Variants in COL18A1 observed in about 807,000 individuals in gnomAD.
COL18A1 encodes the protein collagen alpha-1(XVIII) chain.
Under a neutral mutation model 168.0 loss-of-function variants are expected in COL18A1, and 133 were observed. That is an observed-to-expected ratio of 0.79 (90% CI 0.69 to 0.91). COL18A1 has a LOEUF of 0.91. COL18A1 is among the 40% of genes least tolerant of loss of function. The pLI, the probability that COL18A1 is intolerant of heterozygous loss-of-function variation, is 0.00. For synonymous variants in COL18A1, 949 were observed against 809.0 expected (o/e 1.17, Z -2.94); for missense variants, 2,126 against 1,925.4 (o/e 1.10, Z -1.95).
At chr21:45,467,625 G>A (rs542264433) in intron 2 of COL18A1, among the ~76,000 whole-genome samples, 2 of 152,336 alleles carry the variant, frequency 1.3e-5, no homozygotes, top group South Asian at 2.1e-4. Flanking sequence ...CACTCTGGGC[G>A]ACGCCCCGTA....
intron 40 of COL18A1, among the ~76,000 whole-genome samples, chr21:45,510,580 T>C (rs2037522210): frequency 6.6e-6 from 1 of 152,102 alleles, no homozygotes; most frequent in African/African-American, 2.4e-5. Flanking sequence ...ACACAGGTGA[T>C]AGGGCTCACA....
intron 2 of COL18A1, among the ~76,000 whole-genome samples, chr21:45,414,977 G>A (rs995001308): frequency 6.6e-6 from 1 of 152,000 alleles, no homozygotes; most frequent in African/African-American, 2.4e-5. Flanking sequence ...CGCTGGGGAG[G>A]GCATGAGAAG....
At chr21:45,488,991 G>A (rs890068646) in intron 18 of COL18A1, among the ~76,000 whole-genome samples, 16 of 151,576 alleles carry the variant, frequency 1.1e-4, no homozygotes, top group Admixed American at 3.3e-4. Context: ...GGCAGCAGCC[G>A]CCTTTCACCC....
Position 45,430,083 on chromosome 21 carries a change from G to T in COL18A1, c.106+24610G>T, listed in dbSNP as rs184588547. ...ATGTGAAGTGGGGTCATGGTTTGGG[G>T]GCCCCCATCTCCCTAGCGCCCTCTC... On this transcript the variant is annotated intron_variant, in intron 2 of 41. Coordinates refer to ENST00000651438, the MANE Select transcript of COL18A1 (RefSeq NM_001379500.1). Among the ~76,000 whole-genome samples the T allele has an allele frequency of 1.5e-3, 228 of 151,234 alleles. 1 individual carries two copies. The highest frequency in any genetic ancestry group is 5.3e-3 in the African/African-American group (217 of 41,014).
chr21:45,512,135 T>C, intron 41 of COL18A1, 53 bp from the exon 42 acceptor site: 3 of 1,568,662 alleles, frequency 1.9e-6, no homozygotes, highest in Non-Finnish European at 2.6e-6. Flanking sequence ...GAGCGGCCTC[T>C]GCCCTAAGCA....
chr21:45,417,675 G>A (rs2838912), intron 2 of COL18A1, among the ~76,000 whole-genome samples: 91,842 of 151,926 alleles, frequency 0.6, 28,092 homozygotes, highest in Middle Eastern at 0.69. Context: ...TAATAACAAC[G>A]GACTGTGGGG....
rs1568958229 is a variant in COL18A1, at chr21:45,512,540, CAAGA to C, written c.*145_*148del. The C allele has an allele frequency of 1.3e-6, 1 of 757,070 alleles. No individual in the cohort carries two copies. The highest frequency in any genetic ancestry group is 2.2e-6 in the Non-Finnish European group (1 of 463,012). The allele number at this position is 757,070 out of a possible 1,614,324, so 46.9% of individuals were successfully genotyped here. ...TATAGTTCACGTTTCATGTAATCCT[CAAGA>C]AATAAAAGGAAGCCAAAGAGTGTAT... is the stretch of plus-strand genomic sequence containing the variant. On this transcript the variant is annotated 3_prime_UTR_variant, in exon 42 of 42. Coordinates refer to ENST00000651438, the MANE Select transcript of COL18A1 (RefSeq NM_001379500.1).
In COL18A1 at chr21:45,511,165, C is replaced by A; in HGVS notation, c.3748C>A (p.Leu1250Met). Residue 1250 changes from leucine to methionine, a missense_variant, in exon 41 of 42, where the codon CTG (leucine) becomes ATG (methionine). By Grantham distance (15) the Leu-to-Met change is conservative (BLOSUM62 2). Transcript: ENST00000651438. ...EALFSGSEGP[L>M]KPGARIFSFD... is the part of the protein sequence containing the mutation. The stretch of plus-strand genomic sequence containing the variant: ...TCTGTTCTCAGGCTCTGAGGGTCCG[C>A]TGAAGCCCGGGGCACGCATCTTCTC... The A allele has an allele frequency of 6.2e-7, 1 of 1,602,118 alleles. No individual in the cohort carries two copies.
intron 2 of COL18A1, among the ~76,000 whole-genome samples, chr21:45,442,451 G>A (rs896758518): frequency 2.6e-5 from 4 of 152,214 alleles, no homozygotes; most frequent in African/African-American, 9.6e-5. Context: ...ACCTCTGTCA[G>A]CTGGGCAGGC....
intron 23 of COL18A1, 29 bp downstream of exon 23, chr21:45,492,593 G>A (rs748266345): frequency 7.4e-6 from 12 of 1,612,714 alleles, no homozygotes; most frequent in Admixed American, 3.3e-5. Context: ...TCTAAGAGAC[G>A]GGCCTGCGGG....
At chr21:45,467,112 G>A in intron 2 of COL18A1, 1 of 536,452 alleles carries the variant, frequency 1.9e-6, no homozygotes, top group Non-Finnish European at 2.4e-6. Context: ...GACTGTGGCT[G>A]CAAAGCCCGG....
chr21:45,452,350 CTG>C (rs1201124872), intron 2 of COL18A1, among the ~76,000 whole-genome samples: 7 of 148,894 alleles, frequency 4.7e-5, no homozygotes, highest in Non-Finnish European at 8.9e-5. Context: ...CATATGCACT[CTG>C]TGACATGTGT....
chr21:45,472,316 C>T (rs1051494263), intron 3 of COL18A1, among the ~76,000 whole-genome samples: 8 of 152,156 alleles, frequency 5.3e-5, no homozygotes, highest in South Asian at 2.1e-4. Context: ...CTCTGCCTCC[C>T]GGGTTCACGC....
chr21:45,487,793 C>A (rs1347566012), intron 17 of COL18A1, among the ~76,000 whole-genome samples: 1 of 152,218 alleles, frequency 6.6e-6, no homozygotes, highest in African/African-American at 2.4e-5. Flanking sequence ...CCCTGAAAGG[C>A]CTTTCTGGGG....
intron 17 of COL18A1, among the ~76,000 whole-genome samples, 158 bp from the exon 18 acceptor site, chr21:45,488,260 A>G (rs1302428428): frequency 1.3e-5 from 2 of 152,270 alleles, no homozygotes; most frequent in African/African-American, 4.8e-5. Flanking sequence ...TTGATTCCAT[A>G]GTAAGTTAGA....
chr21:45,422,500 G>A (rs753763624), intron 2 of COL18A1: 3 of 526,266 alleles, frequency 5.7e-6, no homozygotes, highest in South Asian at 2.9e-5. Context: ...CGGGGCCTTT[G>A]CGTGGCTGCC....
chr21:45,422,097 TCACA>T (rs917732426), intron 2 of COL18A1, among the ~76,000 whole-genome samples: 11 of 152,000 alleles, frequency 7.2e-5, no homozygotes, highest in African/African-American at 2.2e-4. Flanking sequence ...ACACAAGCTC[TCACA>T]CACACACGTT....
rs775168204 is a variant in COL18A1 at position 45,491,268 on chromosome 21, G to GC, written c.2118dup (p.Gly707ArgfsTer23). The GC allele has an allele frequency of 2.1e-5, 34 of 1,611,426 alleles. No homozygotes were observed. The highest frequency in any genetic ancestry group is 2.5e-5 in the Non-Finnish European group (30 of 1,179,148). On this transcript the variant is annotated frameshift_variant, in exon 22 of 42. Coordinates refer to ENST00000651438, the MANE Select transcript of COL18A1 (RefSeq NM_001379500.1). LOFTEE classifies it high-confidence loss of function. ...GGAGTCGGGCAGCCGGGCCTCCCTG[G>GC]CCCCCCCGGACCCCCGGGACCTGTG...
intron 17 of COL18A1, 57 bp downstream of exon 17, chr21:45,487,566 G>C (rs747369451): frequency 6.3e-7 from 1 of 1,597,940 alleles, no homozygotes; most frequent in Non-Finnish European, 8.5e-7. Flanking sequence ...GTTGCCTGGG[G>C]CAGGAGAGTG....
Sources: allele counts gnomAD v4.1 joint callset (sites outside exome capture counted in the v4.1 genomes callset), GRCh38; gene constraint gnomAD v4.1.1; transcripts MANE v1.5; gene names NCBI Gene and HGNC (gene_info 2026-07-23, HGNC 2026-07-21).